CNTLN: variants seen among roughly 807,000 people sequenced by gnomAD.
CNTLN encodes centlein.
Under a neutral mutation model 180.0 loss-of-function variants are expected in CNTLN, and 212 were observed. The ratio of observed to expected loss-of-function variants is 1.18; its 90% CI spans 1.05 to 1.32. CNTLN has a LOEUF of 1.32. Ranked by LOEUF, CNTLN falls within the 40% of genes most tolerant of loss-of-function variation. CNTLN has a pLI of 0.00. For missense variants in CNTLN, 2,095 were observed against 1,610.9 expected (o/e 1.30, Z -5.14); for synonymous variants, 722 against 563.1 (o/e 1.28, Z -3.99).
Position 17,164,296 on chromosome 9 carries a change from A to G in CNTLN, c.449+20920A>G, listed in dbSNP as rs1361777288. On this transcript the variant is annotated intron_variant, in intron 2 of 25. Coordinates refer to ENST00000380647, the MANE Select transcript of CNTLN (RefSeq NM_017738.4). Reference sequence around the variant, plus strand: ...GACTGCACTCCAGCCTGGGCAGCAGAGTGAGACTCTGTCTCAAAAAAAAAA... The same window carrying G: ...GACTGCACTCCAGCCTGGGCAGCAGGGTGAGACTCTGTCTCAAAAAAAAAA... 1.4e-4 allele frequency among the ~76,000 whole-genome samples: 18 copies of G among 131,564 alleles called. No homozygotes were observed. The South Asian group carries it at 1.6e-3, about 12-fold the overall frequency. The allele number at this position is 131,564 out of a possible 152,430, so 86.3% of individuals were successfully genotyped here.
At chr9:17,419,837 T>C (rs1364028208) in intron 18 of CNTLN, among the ~76,000 whole-genome samples, 3 of 152,222 alleles carry the variant, frequency 2.0e-5, no homozygotes, top group Non-Finnish European at 4.4e-5. Flanking sequence ...TTCATACTAA[T>C]TTTCCAATAA....
chr9:17,406,286 A>C (rs995317930), intron 15 of CNTLN, among the ~76,000 whole-genome samples: 1 of 151,802 alleles, frequency 6.6e-6, no homozygotes, highest in Non-Finnish European at 1.5e-5. Context: ...CATCACTCTT[A>C]TATCTATCAT....
At chr9:17,450,229 A>G (rs1343942052) in intron 18 of CNTLN, among the ~76,000 whole-genome samples, 2 of 152,202 alleles carry the variant, frequency 1.3e-5, no homozygotes, top group African/African-American at 4.8e-5. Context: ...ATAACAAAGT[A>G]GCACCTTAAG....
At chr9:17,337,382 C>T (rs1041080896) in intron 10 of CNTLN, among the ~76,000 whole-genome samples, 1 of 152,146 alleles carries the variant, frequency 6.6e-6, no homozygotes, top group African/African-American at 2.4e-5. Flanking sequence ...AAAGTCTTCG[C>T]CCATGCCTGT....
chr9:17,139,201 C>T (rs909113665), intron 1 of CNTLN, among the ~76,000 whole-genome samples: 2 of 151,978 alleles, frequency 1.3e-5, no homozygotes, highest in East Asian at 3.9e-4. Context: ...TATTGTCCTG[C>T]CTCAGCCTCC....
intron 2 of CNTLN, among the ~76,000 whole-genome samples, chr9:17,224,162 C>T (rs910617226): frequency 2.6e-5 from 4 of 151,938 alleles, no homozygotes; most frequent in African/African-American, 9.7e-5. Context: ...ATTTATTGTC[C>T]TTATTATACT....
chr9:17,400,916 T>C (rs914123235), intron 15 of CNTLN, among the ~76,000 whole-genome samples: 1 of 152,208 alleles, frequency 6.6e-6, no homozygotes, highest in African/African-American at 2.4e-5. Context: ...ATTTTGTTGC[T>C]GTTTATAGAT....
intron 19 of CNTLN, among the ~76,000 whole-genome samples, chr9:17,461,214 C>T (rs567401840): frequency 6.6e-6 from 1 of 151,474 alleles, no homozygotes; most frequent in East Asian, 1.9e-4. Flanking sequence ...TCACTATTAG[C>T]TTAGCATAAT....
rs79201349 is a variant in CNTLN, at chr9:17,228,867, A to C, written c.534+2580A>C. ...GAGAACAGTGGCGTTATTATCAAAA[A>C]TAGGCTTATTTTCAGGAAGTATAAA... is the stretch of plus-strand genomic sequence containing the variant. On this transcript the variant is annotated intron_variant, in intron 3 of 25. Coordinates refer to ENST00000380647, the MANE Select transcript of CNTLN (RefSeq NM_017738.4). Among the ~76,000 whole-genome samples the C allele has an allele frequency of 3.3e-5, 5 of 152,220 alleles. No individual in the cohort carries two copies. In the East Asian group the frequency reaches 9.7e-4, roughly 29 times the overall value.
chr9:17,196,098 A>G (rs980279689), intron 2 of CNTLN, among the ~76,000 whole-genome samples: 1 of 152,006 alleles, frequency 6.6e-6, no homozygotes, highest in Non-Finnish European at 1.5e-5. Context: ...ATCTTAGCTC[A>G]CTGTAACCTC....
intron 5 of CNTLN, among the ~76,000 whole-genome samples, chr9:17,239,109 C>T (rs981765530): frequency 3.9e-5 from 6 of 152,162 alleles, no homozygotes; most frequent in African/African-American, 1.4e-4. Flanking sequence ...GTGATCTCAG[C>T]TCACTGCAAC....
At chr9:17,504,409 A>G (rs1468318853), downstream of CNTLN, among the ~76,000 whole-genome samples, 1 of 152,216 alleles carries the variant, frequency 6.6e-6, no homozygotes, top group Non-Finnish European at 1.5e-5. Context: ...TGAGACTGCT[A>G]GTATGACCTT....
chr9:17,287,311 AT>A, intron 6 of CNTLN, among the ~76,000 whole-genome samples: 1 of 148,370 alleles, frequency 6.7e-6, no homozygotes, highest in Non-Finnish European at 1.5e-5. Context: ...GATTACATTT[AT>A]TGATTTGCGT....
intron 18 of CNTLN, chr9:17,444,252 C>G (rs977980607): frequency 3.9e-5 from 6 of 152,146 alleles, no homozygotes; most frequent in South Asian, 2.1e-4. Flanking sequence ...ATGTGGTAAG[C>G]CTACATTCTT....
chr9:17,325,749 T>A (rs1439068825), intron 8 of CNTLN, among the ~76,000 whole-genome samples: 1 of 152,042 alleles, frequency 6.6e-6, no homozygotes, highest in African/African-American at 2.4e-5. Flanking sequence ...TGAGATAATG[T>A]ATGCAAAATG....
chr9:17,298,547 A>G, intron 7 of CNTLN, 195 bp downstream of exon 7: 1 of 1,266,702 alleles, frequency 7.9e-7, no homozygotes. Flanking sequence ...TGGTAATTAG[A>G]GCTGAATCAC....
intron 14 of CNTLN, among the ~76,000 whole-genome samples, chr9:17,393,726 A>G (rs1198787702): frequency 6.6e-6 from 1 of 152,194 alleles, no homozygotes. Context: ...AACACTTATT[A>G]TTAATAAGAT....
chr9:17,142,719 T>G (rs570459844), intron 1 of CNTLN, among the ~76,000 whole-genome samples: 4 of 152,288 alleles, frequency 2.6e-5, no homozygotes, highest in Middle Eastern at 3.4e-3. Context: ...CTAAGGCCAA[T>G]TAATCAGAAT....
chr9:17,449,328 T>C (rs1321027288), intron 18 of CNTLN, among the ~76,000 whole-genome samples: 4 of 150,364 alleles, frequency 2.7e-5, no homozygotes, highest in Non-Finnish European at 4.4e-5. Flanking sequence ...GTCCATGTGA[T>C]CTCATTGTTC....
Sources: allele counts gnomAD v4.1 joint callset (sites outside exome capture counted in the v4.1 genomes callset), GRCh38; gene constraint gnomAD v4.1.1; transcripts MANE v1.5; gene names NCBI Gene and HGNC (gene_info 2026-07-23, HGNC 2026-07-21).